KLHL1: variants seen among roughly 807,000 people sequenced by gnomAD.
The protein encoded by KLHL1 is kelch-like protein 1.
Under a neutral mutation model 77.7 loss-of-function variants are expected in KLHL1, and 47 were observed. The observed-to-expected ratio is 0.60, with a 90% CI of 0.48 to 0.77. The LOEUF is 0.77. Ranked by LOEUF, KLHL1 falls within the 30% of genes least tolerant of loss-of-function variation. The pLI, the probability that KLHL1 is intolerant of heterozygous loss-of-function variation, is 0.00. For missense variants in KLHL1, 925 were observed against 910.8 expected (o/e 1.02, Z -0.20); for synonymous variants, 360 against 325.2 (o/e 1.11, Z -1.15).
chr13:69,786,428 C>A (rs1241682790), intron 7 of KLHL1, among the ~76,000 whole-genome samples: 2 of 152,140 alleles, frequency 1.3e-5, no homozygotes, highest in African/African-American at 2.4e-5. Context: ...TCAATGGATG[C>A]AGAAAAGGCC....
intron 1 of KLHL1, among the ~76,000 whole-genome samples, chr13:70,095,305 AAG>A (rs1887761107): frequency 6.6e-6 from 1 of 152,198 alleles, no homozygotes; most frequent in African/African-American, 2.4e-5. Context: ...ATATGCAAGA[AAG>A]AGAGAGATTG....
intron 6 of KLHL1, among the ~76,000 whole-genome samples, chr13:69,828,926 A>C (rs1161589118): frequency 6.7e-6 from 1 of 150,320 alleles, no homozygotes; most frequent in African/African-American, 2.5e-5. Flanking sequence ...GTCTGAGCTC[A>C]GATATGCCTA....
intron 1 of KLHL1, among the ~76,000 whole-genome samples, chr13:70,001,183 A>T (rs775033394): frequency 1.3e-5 from 2 of 151,096 alleles, no homozygotes; most frequent in Non-Finnish European, 3.0e-5. Flanking sequence ...TGAAATGGCA[A>T]ATTTTCTAAG....
intron 1 of KLHL1, among the ~76,000 whole-genome samples, chr13:69,990,792 C>A (rs562105965): frequency 6.6e-6 from 1 of 152,082 alleles, no homozygotes; most frequent in South Asian, 2.1e-4. Flanking sequence ...GAACTCAACA[C>A]TTGACCAAAT....
At chr13:69,918,396 C>T (rs1829055242) in intron 4 of KLHL1, among the ~76,000 whole-genome samples, 1 of 151,808 alleles carries the variant, frequency 6.6e-6, no homozygotes, top group Admixed American at 6.6e-5. Context: ...CAAAATAGTA[C>T]TCATATTTCA....
chr13:69,757,305 AT>A (rs1367991973), intron 7 of KLHL1, among the ~76,000 whole-genome samples: 2 of 152,144 alleles, frequency 1.3e-5, no homozygotes, highest in East Asian at 1.9e-4. Context: ...AGACAATTTC[AT>A]TATTTCTGTG....
intron 1 of KLHL1, among the ~76,000 whole-genome samples, chr13:69,997,826 A>G (rs906588135): frequency 6.7e-6 from 1 of 149,618 alleles, no homozygotes; most frequent in Non-Finnish European, 1.5e-5. Flanking sequence ...TTATATATAT[A>G]TCTCACATAT....
At chr13:69,730,164 C>A (rs1244200184) in intron 8 of KLHL1, among the ~76,000 whole-genome samples, 1 of 151,996 alleles carries the variant, frequency 6.6e-6, no homozygotes, top group Non-Finnish European at 1.5e-5. Flanking sequence ...CAACAAAATA[C>A]ATATTTTAAG....
chr13:69,989,994 C>A (rs141478553), intron 1 of KLHL1, among the ~76,000 whole-genome samples: 1 of 151,852 alleles, frequency 6.6e-6, no homozygotes, highest in Non-Finnish European at 1.5e-5. Flanking sequence ...AGAAACCCTA[C>A]AAGCCAGAGG....
chr13:70,005,339 T>G (rs1885380714), intron 1 of KLHL1, among the ~76,000 whole-genome samples: 1 of 152,150 alleles, frequency 6.6e-6, no homozygotes, highest in African/African-American at 2.4e-5. Context: ...CAAAATAGTC[T>G]AGGAAAACAA....
Position 70,062,957 on chromosome 13 carries a change from TAAGA to T in KLHL1, c.497+44242_497+44245del, listed in dbSNP as rs1206027984. ...TCCTCAATTTTTTGTTTACCTTAATTAAGAATTTTATTTTCTCATCTAAAGTTCC... is the reference window on the plus strand; with the variant it reads ...TCCTCAATTTTTTGTTTACCTTAATTATTTTATTTTCTCATCTAAAGTTCC... On this transcript the variant is annotated intron_variant, in intron 1 of 10. Coordinates refer to ENST00000377844, the MANE Select transcript of KLHL1 (RefSeq NM_020866.3). Among the ~76,000 whole-genome samples the T allele has an allele frequency of 2.6e-5, 4 of 152,314 alleles. No individual in the cohort carries two copies. In the East Asian group the frequency reaches 7.7e-4, roughly 29 times the overall value.
chr13:69,936,627 C>A (rs1042585596), intron 4 of KLHL1, among the ~76,000 whole-genome samples: 2 of 149,322 alleles, frequency 1.3e-5, no homozygotes, highest in African/African-American at 2.5e-5. Context: ...ATTGAACATG[C>A]TATGATGCTA....
intron 1 of KLHL1, among the ~76,000 whole-genome samples, chr13:69,976,591 T>C (rs1449355018): frequency 6.6e-6 from 1 of 152,044 alleles, no homozygotes; most frequent in East Asian, 1.9e-4. Flanking sequence ...CCCAATCAAG[T>C]GTTCTGATGA....
chr13:69,985,060 C>G (rs1884823826), intron 1 of KLHL1, among the ~76,000 whole-genome samples: 1 of 151,956 alleles, frequency 6.6e-6, no homozygotes, highest in Non-Finnish European at 1.5e-5. Context: ...TGCAGTGAGC[C>G]GAGATTGCAC....
At chr13:70,020,111 G>A (rs909152883) in intron 1 of KLHL1, among the ~76,000 whole-genome samples, 2 of 152,022 alleles carry the variant, frequency 1.3e-5, no homozygotes, top group Admixed American at 1.3e-4. Flanking sequence ...ATAAATTCCT[G>A]TTCTTTATAA....
intron 8 of KLHL1, among the ~76,000 whole-genome samples, chr13:69,726,877 G>C (rs1229993166): frequency 6.6e-6 from 1 of 151,946 alleles, no homozygotes; most frequent in African/African-American, 2.4e-5. Flanking sequence ...TATCTTCTTT[G>C]ATATATCATC....
intron 6 of KLHL1, among the ~76,000 whole-genome samples, chr13:69,816,479 G>A (rs979874626): frequency 6.6e-6 from 1 of 151,728 alleles, no homozygotes; most frequent in Non-Finnish European, 1.5e-5. Flanking sequence ...GGCCAGGCTG[G>A]TCTTGAACTC....
chr13:69,811,818 A>G (rs1877893648), intron 6 of KLHL1, among the ~76,000 whole-genome samples: 1 of 152,134 alleles, frequency 6.6e-6, no homozygotes. Flanking sequence ...TCTTGCTAGC[A>G]GTCCATCAGT....
rs1334375486 is a variant in KLHL1 at position 69,828,687 on chromosome 13, C to T, written c.1414+10289G>A. ...AGATCTCAGCCCTGCTTATCAGCTGCCTGGATATAAACTCCAGGCTGATGC... is the reference window on the plus strand; with the variant it reads ...AGATCTCAGCCCTGCTTATCAGCTGTCTGGATATAAACTCCAGGCTGATGC... On this transcript the variant is annotated intron_variant, in intron 6 of 10. Coordinates refer to ENST00000377844, the MANE Select transcript of KLHL1 (RefSeq NM_020866.3). Among the ~76,000 whole-genome samples, 6 of 150,142 alleles carry T rather than the reference C, an allele frequency of 4.0e-5. 1 individual carries two copies. The highest frequency in any genetic ancestry group is 1.5e-4 in the African/African-American group (6 of 39,982).
Sources: gnomAD v4.1 joint callset for allele counts (sites outside exome capture counted in the v4.1 genomes callset) on GRCh38, gnomAD v4.1.1 for gene constraint, MANE v1.5 for transcripts, NCBI Gene and HGNC (gene_info 2026-07-23, HGNC 2026-07-21) for gene names.